ESCO1: variants seen among roughly 807,000 people sequenced by gnomAD.
ESCO1 encodes N-acetyltransferase ESCO1.
Under a neutral mutation model 83.5 loss-of-function variants are expected in ESCO1, and 33 were observed. The observed-to-expected ratio is 0.40, with a 90% CI of 0.30 to 0.53. The LOEUF is 0.53. Ranked by LOEUF, ESCO1 falls within the 20% of genes least tolerant of loss-of-function variation. The pLI is 0.63. For synonymous variants in ESCO1, 332 were observed against 324.3 expected (o/e 1.02, Z -0.25); for missense variants, 855 against 968.0 (o/e 0.88, Z 1.55).
chr18:21,597,354 T>C (rs1046158015), intron 1 of ESCO1, among the ~76,000 whole-genome samples: 13 of 152,142 alleles, frequency 8.5e-5, no homozygotes, highest in Non-Finnish European at 1.8e-4. Context: ...ATATAGTTTT[T>C]CATTAAAATG....
At chr18:21,545,532 C>T (rs938879965) in intron 8 of ESCO1, among the ~76,000 whole-genome samples, 1 of 150,416 alleles carries the variant, frequency 6.6e-6, no homozygotes, top group African/African-American at 2.5e-5. Flanking sequence ...GAGATCACAC[C>T]ATTGCACTCC....
intron 7 of ESCO1, 93 bp downstream of exon 7, chr18:21,564,110 A>T (rs1031125048): frequency 2.4e-6 from 2 of 841,858 alleles, no homozygotes; most frequent in Admixed American, 2.7e-5. Flanking sequence ...TTCTATAAAA[A>T]TTACCAACCT....
At chr18:21,583,557 C>G (rs1241106119) in intron 2 of ESCO1, among the ~76,000 whole-genome samples, 1 of 151,782 alleles carries the variant, frequency 6.6e-6, no homozygotes, top group Non-Finnish European at 1.5e-5. Flanking sequence ...GGCAGGAGAA[C>G]CGCTTGAACC....
intron 2 of ESCO1, among the ~76,000 whole-genome samples, chr18:21,578,120 A>T (rs2038445165): frequency 6.6e-6 from 1 of 152,190 alleles, no homozygotes; most frequent in Non-Finnish European, 1.5e-5. Flanking sequence ...TACAATTTCC[A>T]ATCACTTTTA....
At chr18:21,562,505 T>C (rs2038201621) in intron 7 of ESCO1, among the ~76,000 whole-genome samples, 1 of 151,792 alleles carries the variant, frequency 6.6e-6, no homozygotes, top group Non-Finnish European at 1.5e-5. Flanking sequence ...CTGTGTGTGG[T>C]GACGCATGTC....
At chr18:21,535,978 T>C (rs750317804) in intron 10 of ESCO1, 64 bp downstream of exon 10, 145 of 1,552,694 alleles carry the variant, frequency 9.3e-5, no homozygotes, top group Admixed American at 4.8e-4. Context: ...ATTTATGTTA[T>C]TTGGGATTAC....
At chr18:21,559,836 G>C (rs1243099651) in intron 8 of ESCO1, among the ~76,000 whole-genome samples, 1 of 152,078 alleles carries the variant, frequency 6.6e-6, no homozygotes, top group Admixed American at 6.6e-5. Flanking sequence ...GGAGAAGTCA[G>C]ATGAAATAAG....
At chr18:21,566,393 G>C (rs952202078) in intron 5 of ESCO1, among the ~76,000 whole-genome samples, 187 bp from the exon 6 acceptor site, 2 of 152,194 alleles carry the variant, frequency 1.3e-5, no homozygotes, top group South Asian at 2.1e-4. Flanking sequence ...AGGCAGAAAG[G>C]CTGTCTCATA....
chr18:21,532,728 T>C, intron 10 of ESCO1, 68 bp from the exon 11 acceptor site: 1 of 1,465,310 alleles, frequency 6.8e-7, no homozygotes, highest in Non-Finnish European at 9.3e-7. Flanking sequence ...ACTGATCTGG[T>C]TGAGGCGGTT....
intron 1 of ESCO1, among the ~76,000 whole-genome samples, chr18:21,593,945 G>C (rs1348682777): frequency 6.6e-6 from 1 of 152,124 alleles, no homozygotes; most frequent in Admixed American, 6.6e-5. Context: ...CTATAAAGCA[G>C]GGTTTTCCAA....
At chr18:21,579,370 GA>G (rs1395102784) in intron 2 of ESCO1, among the ~76,000 whole-genome samples, 1 of 152,026 alleles carries the variant, frequency 6.6e-6, no homozygotes, top group Admixed American at 6.6e-5. Flanking sequence ...GCTGAGGCAG[GA>G]GGATGACATG....
At chr18:21,551,227 T>C (rs934544949) in intron 8 of ESCO1, among the ~76,000 whole-genome samples, 1 of 151,956 alleles carries the variant, frequency 6.6e-6, no homozygotes, top group African/African-American at 2.4e-5. Context: ...TCCCAGCACT[T>C]TGGGAGGCCG....
At chr18:21,578,594 C>T (rs1454395475) in intron 2 of ESCO1, among the ~76,000 whole-genome samples, 1 of 152,004 alleles carries the variant, frequency 6.6e-6, no homozygotes, top group Non-Finnish European at 1.5e-5. Flanking sequence ...AGTGGCATGT[C>T]TATAATCCCA....
At chr18:21,565,950 G>C (rs972574769) in intron 6 of ESCO1, among the ~76,000 whole-genome samples, 196 bp downstream of exon 6, 19 of 151,868 alleles carry the variant, frequency 1.3e-4, no homozygotes, top group African/African-American at 4.6e-4. Flanking sequence ...AATAAATAAA[G>C]AAATAAAGAA....
intron 1 of ESCO1, among the ~76,000 whole-genome samples, chr18:21,590,307 C>T (rs1445213586): frequency 6.6e-6 from 1 of 151,630 alleles, no homozygotes; most frequent in African/African-American, 2.4e-5. Flanking sequence ...CTGCAACCTC[C>T]GCCTCCCCGG....
chr18:21,589,396 GT>G (rs921026112), intron 1 of ESCO1, among the ~76,000 whole-genome samples: 2 of 139,826 alleles, frequency 1.4e-5, no homozygotes, highest in African/African-American at 4.9e-5. Flanking sequence ...CATCTTGATG[GT>G]TTTTTTTACT....
chr18:21,590,282 C>T (rs1037154536), intron 1 of ESCO1, among the ~76,000 whole-genome samples: 1 of 145,276 alleles, frequency 6.9e-6, no homozygotes, highest in Non-Finnish European at 1.5e-5. Flanking sequence ...AGTGCAGTGG[C>T]ATGATCTCAG....
intron 6 of ESCO1, among the ~76,000 whole-genome samples, chr18:21,565,781 A>G (rs906258219): frequency 6.6e-6 from 1 of 151,964 alleles, no homozygotes; most frequent in Admixed American, 6.6e-5. Flanking sequence ...TAAAAAAAGA[A>G]TTTTTTTTAA....
At chr18:21,588,051 C>T (rs181034699) in intron 1 of ESCO1, among the ~76,000 whole-genome samples, 13 of 146,784 alleles carry the variant, frequency 8.9e-5, no homozygotes, top group African/African-American at 2.5e-4. Flanking sequence ...ATCCTGCCTA[C>T]GAACAGCCAC....
Sources: allele counts gnomAD v4.1 joint callset (sites outside exome capture counted in the v4.1 genomes callset), GRCh38; gene constraint gnomAD v4.1.1; transcripts MANE v1.5; gene names NCBI Gene and HGNC (gene_info 2026-07-23, HGNC 2026-07-21).